ANXA2: variants seen among roughly 807,000 people sequenced by gnomAD.
ANXA2 encodes the protein annexin A2, also known as annexin II.
Under a neutral mutation model 47.3 loss-of-function variants are expected in ANXA2, and 28 were observed. The ratio of observed to expected loss-of-function variants is 0.59; its 90% confidence interval spans 0.44 to 0.81. The LOEUF is 0.81. ANXA2 is among the 40% of genes least tolerant of loss of function. The pLI, the probability that ANXA2 is intolerant of heterozygous loss-of-function variation, is 0.00. For missense variants in ANXA2, 384 were observed against 414.3 expected, an observed-to-expected ratio of 0.93 and a Z score of 0.64; for synonymous variants, 172 against 155.5, an observed-to-expected ratio of 1.11 and a Z score of -0.79.
intron 11 of ANXA2, among the ~76,000 whole-genome samples, chr15:60,350,579 A>G (rs1274604522): frequency 6.6e-6 from 1 of 152,194 alleles, no homozygotes; most frequent in Non-Finnish European, 1.5e-5. Context: ...AAAATGCAAA[A>G]GCCTAGAAGC....
chr15:60,351,890 T>C, intron 9 of ANXA2, 71 bp from the exon 10 acceptor site: 3 of 1,030,826 alleles, frequency 2.9e-6, no homozygotes, highest in Non-Finnish European at 4.5e-6. Context: ...ACCCACCTAG[T>C]TTTATGCACC....
intron 3 of ANXA2, among the ~76,000 whole-genome samples, chr15:60,381,850 CT>C (rs1210050092): frequency 6.6e-6 from 1 of 152,112 alleles, no homozygotes; most frequent in Non-Finnish European, 1.5e-5. Context: ...CAACTTCTTC[CT>C]TGCAGAAGAG....
intron 1 of ANXA2, among the ~76,000 whole-genome samples, chr15:60,387,421 A>G (rs1186144317): frequency 2.0e-5 from 3 of 152,274 alleles, no homozygotes; most frequent in African/African-American, 7.2e-5. Context: ...TGCTCTAGAA[A>G]TAAACTGTGG....
chr15:60,348,939 G>T, intron 12 of ANXA2, 136 bp downstream of exon 12: 2 of 948,804 alleles, frequency 2.1e-6, no homozygotes, highest in Non-Finnish European at 3.2e-6. Context: ...ATCCCTGATA[G>T]TTGATGACTA....
intron 4 of ANXA2, chr15:60,363,001 G>A (rs758942063): frequency 4.8e-5 from 4 of 83,500 alleles, no homozygotes; most frequent in Non-Finnish European, 8.8e-5. Flanking sequence ...CTGCAATCAA[G>A]CCTGGGTGAC....
At chr15:60,394,062 C>T (rs1000137430) in intron 1 of ANXA2, among the ~76,000 whole-genome samples, 3 of 152,194 alleles carry the variant, frequency 2.0e-5, no homozygotes, top group African/African-American at 2.4e-5. Flanking sequence ...CCCAGCAGGT[C>T]GCTTCAGGGC....
intron 11 of ANXA2, among the ~76,000 whole-genome samples, chr15:60,349,405 G>A (rs777399106): frequency 1.4e-4 from 22 of 152,130 alleles, no homozygotes; most frequent in African/African-American, 4.1e-4. Flanking sequence ...TATCAAAAGC[G>A]TTGTATAAAA....
At chr15:60,361,247 C>A (rs1487435556) in intron 4 of ANXA2, among the ~76,000 whole-genome samples, 193 bp from the exon 5 acceptor site, 1 of 152,204 alleles carries the variant, frequency 6.6e-6, no homozygotes, top group Non-Finnish European at 1.5e-5. Context: ...TCAGGCTTTG[C>A]TTCAACGAAA....
At chr15:60,372,371 C>A (rs969948540) in intron 3 of ANXA2, among the ~76,000 whole-genome samples, 4 of 152,122 alleles carry the variant, frequency 2.6e-5, no homozygotes, top group Non-Finnish European at 5.9e-5. Flanking sequence ...AGATTCAAAC[C>A]GGGACTAAAG....
chr15:60,384,084 T>C (rs74575311), intron 2 of ANXA2: 1 of 152,346 alleles, frequency 6.6e-6, no homozygotes, highest in East Asian at 1.9e-4. Flanking sequence ...CACTTAAACT[T>C]TCCAGTAAGA....
intron 1 of ANXA2, among the ~76,000 whole-genome samples, chr15:60,388,097 A>G (rs1192733639): frequency 6.6e-6 from 1 of 151,998 alleles, no homozygotes; most frequent in African/African-American, 2.4e-5. Flanking sequence ...CTGAGACAGG[A>G]GAATAGCTTG....
intron 10 of ANXA2, 82 bp downstream of exon 10, chr15:60,351,642 C>T: frequency 1.1e-6 from 1 of 892,812 alleles, no homozygotes; most frequent in Non-Finnish European, 1.9e-6. Context: ...CTCCCAAACA[C>T]ATTTGGATTA....
intron 1 of ANXA2, chr15:60,387,120 T>C (rs745531992): frequency 4.6e-5 from 7 of 152,192 alleles, no homozygotes; most frequent in African/African-American, 1.4e-4. Flanking sequence ...TGCTAACTTA[T>C]AGGAACATTT....
intron 1 of ANXA2, 189 bp from the exon 2 acceptor site, chr15:60,386,275 G>C (rs907675945): frequency 1.7e-6 from 1 of 573,408 alleles, no homozygotes; most frequent in Non-Finnish European, 3.1e-6. Context: ...TCTGCCTTGG[G>C]TTGGGATGGA....
intron 10 of ANXA2, 55 bp from the exon 11 acceptor site, chr15:60,351,306 CA>C: frequency 6.4e-7 from 1 of 1,557,474 alleles, no homozygotes; most frequent in South Asian, 1.1e-5. Flanking sequence ...TCTCCTCTAC[CA>C]ATGAGAGAGG....
chr15:60,372,063 C>T (rs2062717943), intron 3 of ANXA2, among the ~76,000 whole-genome samples: 1 of 152,128 alleles, frequency 6.6e-6, no homozygotes. Context: ...GCTGGAGAAT[C>T]ACTTGAACCT....
chr15:60,348,294 C>T (rs911812668), intron 12 of ANXA2, among the ~76,000 whole-genome samples: 5 of 152,166 alleles, frequency 3.3e-5, no homozygotes, highest in African/African-American at 1.2e-4. Context: ...GAAATCTACA[C>T]AGTGGTACCA....
At chr15:60,388,056 C>T (rs1307489876) in intron 1 of ANXA2, among the ~76,000 whole-genome samples, 2 of 151,820 alleles carry the variant, frequency 1.3e-5, no homozygotes, top group Non-Finnish European at 2.9e-5. Context: ...GGCGTGGGGG[C>T]GGGCGCCTGT....
chr15:60,350,691 T>G (rs564829604), intron 11 of ANXA2, among the ~76,000 whole-genome samples: 1 of 152,292 alleles, frequency 6.6e-6, no homozygotes, highest in Admixed American at 6.5e-5. Flanking sequence ...TGGGGTCTGA[T>G]AGACCCAGGT....
Sources: gnomAD v4.1 joint callset for allele counts (sites outside exome capture counted in the v4.1 genomes callset) on GRCh38, gnomAD v4.1.1 for gene constraint, MANE v1.5 for transcripts, NCBI Gene and HGNC (gene_info 2026-07-23, HGNC 2026-07-21) for gene names.